Variants in OOSP1 observed in about 807,000 individuals in gnomAD.
OOSP1 encodes the protein oocyte secreted protein 1, also known as putative oocyte-secreted protein 1 homolog.
In OOSP1, 11 loss-of-function variants were observed where a neutral mutation model predicts 5.7. That is an observed-to-expected ratio of 1.94 (90% CI 1.22 to 3.20). The LOEUF is 3.20. Ranked by LOEUF, OOSP1 falls within the 30% of genes most tolerant of loss-of-function variation. OOSP1 has a pLI of 0.00. For synonymous variants in OOSP1, 44 were observed against 20.0 expected, an observed-to-expected ratio of 2.20 and a Z score of -3.20; for missense variants, 83 against 54.1, an observed-to-expected ratio of 1.53 and a Z score of -1.67.
chr11:59,942,748 G>A (rs1853842977), intron 1 of OOSP1, 99 bp from the exon 2 acceptor site: 1 of 607,422 alleles, frequency 1.6e-6, no homozygotes, highest in Non-Finnish European at 2.9e-6. Flanking sequence ...GTTTTAGTAA[G>A]GGATGATCTC....
At chr11:59,948,736 A>T (rs1418394100) in intron 4 of OOSP1, 1 of 397,976 alleles carries the variant, frequency 2.5e-6, no homozygotes. Flanking sequence ...TCGTTCATCA[A>T]ATGAGTACCT....
At chr11:59,957,321 A>G in exon 5 of OOSP1, 1 of 397,288 alleles carries the variant, frequency 2.5e-6, no homozygotes, top group Non-Finnish European at 4.4e-6. Context: ...ACACCCTGCA[A>G]TTTCATTTAT....
At chr11:59,943,808 A>G (rs1853855168) in intron 2 of OOSP1, among the ~76,000 whole-genome samples, 1 of 152,240 alleles carries the variant, frequency 6.6e-6, no homozygotes, top group African/African-American at 2.4e-5. Context: ...TATCACTGAT[A>G]AAAGTATAAC....
intron 4 of OOSP1, among the ~76,000 whole-genome samples, chr11:59,954,846 C>G (rs1252902990): frequency 3.3e-5 from 5 of 152,078 alleles, no homozygotes; most frequent in Non-Finnish European, 7.4e-5. Flanking sequence ...TTGTCAAATT[C>G]TGAAGCCCAA....
chr11:59,957,465 T>C, exon 5 of OOSP1: 2 of 362,842 alleles, frequency 5.5e-6, no homozygotes, highest in Non-Finnish European at 4.9e-6. Context: ...TATTTTCCAA[T>C]AAAATTCTGA....
intron 1 of OOSP1, among the ~76,000 whole-genome samples, chr11:59,942,210 A>G (rs557495889): frequency 6.6e-6 from 1 of 152,284 alleles, no homozygotes; most frequent in South Asian, 2.1e-4. Flanking sequence ...CATAATTTCT[A>G]GTTTGATCTA....
At chr11:59,942,857 A>C (rs1465965785) in exon 2 of OOSP1, 2 of 702,634 alleles carry the variant, frequency 2.8e-6, no homozygotes, top group East Asian at 5.4e-5. Context: ...CTATTCAAGT[A>C]CACTGCACCC....
At chr11:59,956,502 G>A (rs935837027) in intron 4 of OOSP1, among the ~76,000 whole-genome samples, 3 of 152,012 alleles carry the variant, frequency 2.0e-5, no homozygotes, top group Admixed American at 2.0e-4. Flanking sequence ...TTGTTTTTCT[G>A]TAAGTAGATT....
At chr11:59,938,826 TAA>T (rs1853797005) in intron 1 of OOSP1, among the ~76,000 whole-genome samples, 1 of 152,166 alleles carries the variant, frequency 6.6e-6, no homozygotes, top group African/African-American at 2.4e-5. Context: ...GGGTTTAATA[TAA>T]AGAGTGTGGA....
chr11:59,949,770 C>A (rs555173616), intron 4 of OOSP1, among the ~76,000 whole-genome samples: 46 of 152,262 alleles, frequency 3.0e-4, no homozygotes, highest in African/African-American at 9.9e-4. Flanking sequence ...CAGGATCACC[C>A]TGGCTGCTGG....
At chr11:59,949,610 A>G (rs184672911) in intron 4 of OOSP1, among the ~76,000 whole-genome samples, 67 of 152,282 alleles carry the variant, frequency 4.4e-4, no homozygotes, top group Middle Eastern at 3.4e-3. Context: ...TCTTAAAACA[A>G]CAACTGAAAC....
chr11:59,950,469 A>T (rs1202520010), intron 4 of OOSP1, among the ~76,000 whole-genome samples: 3 of 152,190 alleles, frequency 2.0e-5, no homozygotes, highest in Admixed American at 6.5e-5. Flanking sequence ...TGGCATATCC[A>T]ATGTTAAGAG....
At chr11:59,949,855 A>G (rs888035377) in intron 4 of OOSP1, among the ~76,000 whole-genome samples, 3 of 152,180 alleles carry the variant, frequency 2.0e-5, no homozygotes, top group Non-Finnish European at 2.9e-5. Flanking sequence ...TACAAGGCCA[A>G]TGGTCCTCAG....
intron 4 of OOSP1, among the ~76,000 whole-genome samples, chr11:59,952,886 T>C (rs1853953814): frequency 6.6e-6 from 1 of 152,200 alleles, no homozygotes; most frequent in Non-Finnish European, 1.5e-5. Context: ...CAAATATTGA[T>C]TTCTGCCCCA....
intron 4 of OOSP1, among the ~76,000 whole-genome samples, chr11:59,953,502 A>G (rs1853960916): frequency 6.6e-6 from 1 of 152,128 alleles, no homozygotes; most frequent in South Asian, 2.1e-4. Flanking sequence ...GATTCACTTC[A>G]TGTCAAAATT....
chr11:59,956,493 T>C, intron 4 of OOSP1, among the ~76,000 whole-genome samples: 1 of 152,182 alleles, frequency 6.6e-6, no homozygotes, highest in African/African-American at 2.4e-5. Flanking sequence ...TTTAGCCTTT[T>C]GTTTTTCTGT....
chr11:59,957,101 C>T, intron 4 of OOSP1, 94 bp from the exon 5 acceptor site: 1 of 392,346 alleles, frequency 2.5e-6, no homozygotes, highest in Non-Finnish European at 4.5e-6. Context: ...TAAATTTGTT[C>T]CTTTTAAAAA....
chr11:59,948,478 T>C (rs1671442025), intron 4 of OOSP1, among the ~76,000 whole-genome samples: 1 of 152,224 alleles, frequency 6.6e-6, no homozygotes, highest in Non-Finnish European at 1.5e-5. Context: ...AAAAGTATCC[T>C]TATTCACTTA....
chr11:59,945,056 G>C, intron 2 of OOSP1, 113 bp from the exon 3 acceptor site: 1 of 645,898 alleles, frequency 1.5e-6, no homozygotes, highest in Non-Finnish European at 2.8e-6. Flanking sequence ...TTGAGTGAGA[G>C]TGTGACCATT....
Sources: allele counts gnomAD v4.1 joint callset (sites outside exome capture counted in the v4.1 genomes callset), GRCh38; gene constraint gnomAD v4.1.1; transcripts MANE v1.5; gene names NCBI Gene and HGNC (gene_info 2026-07-23, HGNC 2026-07-21).